The following MYO18B variants were observed in gnomAD, a reference collection of about 807,000 sequenced individuals.
MYO18B encodes the protein myosin XVIIIB, also known as unconventional myosin-XVIIIb.
A neutral mutation model predicts 273.0 loss-of-function variants in MYO18B; 204 were observed. That is an observed-to-expected ratio of 0.75 (90% CI 0.67 to 0.84). The LOEUF is 0.84. Ranked by LOEUF, MYO18B falls within the 40% of genes least tolerant of loss-of-function variation. The pLI, the probability that MYO18B is intolerant of heterozygous loss-of-function variation, is 0.00. For missense variants in MYO18B, 3,212 were observed against 3,287.6 expected (o/e 0.98, Z 0.56); for synonymous variants, 1,330 against 1,305.7 (o/e 1.02, Z -0.40).
At chr22:25,771,422 A>T (rs1162799744) in intron 6 of MYO18B, among the ~76,000 whole-genome samples, 2 of 152,200 alleles carry the variant, frequency 1.3e-5, no homozygotes, top group African/African-American at 2.4e-5. Flanking sequence ...AATGGCCTAT[A>T]TTTTGGCATC....
chr22:25,847,701 G>T, intron 20 of MYO18B, 49 bp downstream of exon 20: 1 of 1,430,312 alleles, frequency 7.0e-7, no homozygotes, highest in Non-Finnish European at 9.6e-7. Flanking sequence ...CCTGGGACAT[G>T]TCCACCCACC....
rs1292046874 is a variant in MYO18B, at chr22:26,004,755, A to G, written c.6370A>G (p.Ser2124Gly). The G allele has an allele frequency of 6.2e-7, 1 of 1,613,778 alleles. No individual in the cohort carries two copies. Among genetic ancestry groups the G allele is most frequent in the Admixed American group, 1.7e-5 (1 of 59,992 alleles). Residue 2124 changes from serine (S) to glycine (G), a missense_variant, in exon 42 of 44, where the codon AGC (serine) becomes GGC (glycine). Ser to Gly is a moderately conservative substitution (Grantham distance 56, BLOSUM62 0). Coordinates refer to ENST00000335473, the MANE Select transcript of MYO18B (RefSeq NM_032608.7). ...VSILSSQPEG[S>G]LQSWLSCTLS... Reference sequence around the variant, plus strand: ...CATCCTCAGCTCCCAGCCAGAGGGCAGCCTGCAGTCCTGGTTGAGCTGTAC... The same window carrying G: ...CATCCTCAGCTCCCAGCCAGAGGGCGGCCTGCAGTCCTGGTTGAGCTGTAC...
At chr22:25,913,585 G>A (rs1444175002) in intron 33 of MYO18B, among the ~76,000 whole-genome samples, 1 of 152,164 alleles carries the variant, frequency 6.6e-6, no homozygotes, top group African/African-American at 2.4e-5. Context: ...AGCCAGGATG[G>A]TTTCGATCTC....
At chr22:25,815,086 G>A (rs1042796174) in intron 12 of MYO18B, among the ~76,000 whole-genome samples, 1 of 152,222 alleles carries the variant, frequency 6.6e-6, no homozygotes, top group Non-Finnish European at 1.5e-5. Context: ...TATGTGCTTA[G>A]CACAGGCTCA....
At chr22:25,998,485 T>A (rs1024527163) in intron 40 of MYO18B, among the ~76,000 whole-genome samples, 1 of 151,984 alleles carries the variant, frequency 6.6e-6, no homozygotes, top group African/African-American at 2.4e-5. Flanking sequence ...GAAAAAAGAG[T>A]CCTCAGTTGC....
chr22:25,803,206 G>GCCT (rs200604677), intron 12 of MYO18B, among the ~76,000 whole-genome samples: 10,112 of 151,654 alleles, frequency 0.067, 576 homozygotes, highest in East Asian at 0.21. Flanking sequence ...CTCGTGATCC[G>GCCT]CCTGCCTCAG....
intron 33 of MYO18B, among the ~76,000 whole-genome samples, chr22:25,916,516 G>A (rs933901836): frequency 6.6e-6 from 1 of 152,128 alleles, no homozygotes; most frequent in African/African-American, 2.4e-5. Context: ...CATCTACTAA[G>A]TGTCTTGTTG....
chr22:25,826,338 G>T (rs2089488741), intron 13 of MYO18B, 71 bp from the exon 14 acceptor site: 10 of 1,163,686 alleles, frequency 8.6e-6, no homozygotes, highest in Non-Finnish European at 1.2e-5. Context: ...GGTCCCTACT[G>T]CTCTGCAGTG....
chr22:25,746,215 T>C (rs936424219), intron 1 of MYO18B, among the ~76,000 whole-genome samples: 2 of 152,242 alleles, frequency 1.3e-5, no homozygotes, highest in African/African-American at 2.4e-5. Context: ...CCCAGTTTTA[T>C]AGAAGAGGAA....
At chr22:25,891,098 TG>T (rs1449915684) in intron 26 of MYO18B, among the ~76,000 whole-genome samples, 1 of 152,156 alleles carries the variant, frequency 6.6e-6, no homozygotes, top group African/African-American at 2.4e-5. Flanking sequence ...AGGAGAGGAT[TG>T]TGCAGAAGGT....
rs546067465 is a variant in MYO18B at position 26,002,977 on chromosome 22, C to T, written c.6288-288C>T. 4.6e-5 allele frequency among the ~76,000 whole-genome samples: 7 copies of T among 152,204 alleles called. No homozygotes were observed. The East Asian group carries it at 5.8e-4, about 13-fold the overall frequency. ...ACTAGTTGTACTAAAACAAGAGTAG[C>T]GGTAATGGTTGCTACCACTTAATTA... On this transcript the variant is annotated intron_variant, in intron 40 of 43. Coordinates refer to ENST00000335473, the MANE Select transcript of MYO18B (RefSeq NM_032608.7).
At chr22:25,937,553 G>GCA (rs1391957185) in intron 34 of MYO18B, among the ~76,000 whole-genome samples, 1 of 150,842 alleles carries the variant, frequency 6.6e-6, no homozygotes, top group Non-Finnish European at 1.5e-5. Flanking sequence ...CTTCTGGGCT[G>GCA]CACAGACCAT....
chr22:25,766,790 A>G (rs189088540), intron 3 of MYO18B, among the ~76,000 whole-genome samples: 1 of 152,322 alleles, frequency 6.6e-6, no homozygotes, highest in East Asian at 1.9e-4. Flanking sequence ...AATTTGAAAG[A>G]CCAATGGTGG....
chr22:25,878,163 C>T (rs1245906282), intron 25 of MYO18B, 115 bp downstream of exon 25: 4 of 788,136 alleles, frequency 5.1e-6, no homozygotes, highest in African/African-American at 3.5e-5. Flanking sequence ...ACAAGCACCC[C>T]AGAATTACCT....
the MYO18B span, among the ~76,000 whole-genome samples, chr22:26,047,846 A>G: frequency 3.3e-5 from 5 of 152,204 alleles, no homozygotes; most frequent in Non-Finnish European, 5.9e-5. Context: ...TTAGTTGCAT[A>G]GATCTGCTCC....
intron 36 of MYO18B, among the ~76,000 whole-genome samples, chr22:25,948,433 T>G (rs1569224832): frequency 7.3e-6 from 1 of 136,722 alleles, no homozygotes; most frequent in African/African-American, 3.0e-5. Context: ...CTTCCTTCCT[T>G]CCTTCCTTCC....
At chr22:26,050,294 G>A in the MYO18B span, among the ~76,000 whole-genome samples, 5 of 152,284 alleles carry the variant, frequency 3.3e-5, no homozygotes, top group Non-Finnish European at 5.9e-5. Flanking sequence ...GAAGTATGTC[G>A]TGCAGGGTTC....
rs566950878 is a variant in MYO18B at position 25,780,175 on chromosome 22, C to T, written c.2188C>T (p.Arg730Cys). 114 of 1,605,806 alleles carry T rather than the reference C, an allele frequency of 7.1e-5. No individual in the cohort carries two copies. Among genetic ancestry groups the T allele is most frequent in the East Asian group, 1.6e-4 (7 of 44,648 alleles). Residue 730 changes from arginine to cysteine, a missense_variant, in exon 9 of 44, where the codon CGC (arginine) becomes TGC (cysteine). Arg to Cys is a radical substitution (Grantham distance 180, BLOSUM62 -3). Coordinates refer to ENST00000335473, the MANE Select transcript of MYO18B (RefSeq NM_032608.7). ...VMSLDFNATGRITAAQLQTML... is the reference protein window; with the variant it reads ...VMSLDFNATGCITAAQLQTML... ...GTCGCTGGACTTCAACGCTACAGGC[C>T]GCATCACAGCTGCTCAGCTCCAGGT...
chr22:26,019,441 G>A (rs941238974), intron 42 of MYO18B, among the ~76,000 whole-genome samples: 6 of 152,332 alleles, frequency 3.9e-5, no homozygotes, highest in African/African-American at 1.2e-4. Flanking sequence ...TGTTGTGAGC[G>A]TAAACTTGAG....
Sources: allele counts gnomAD v4.1 joint callset (sites outside exome capture counted in the v4.1 genomes callset), GRCh38; gene constraint gnomAD v4.1.1; transcripts MANE v1.5; gene names NCBI Gene and HGNC (gene_info 2026-07-23, HGNC 2026-07-21).